ACKR3: variants seen among roughly 807,000 people sequenced by gnomAD.
ACKR3 encodes atypical chemokine receptor 3, also known as C-X-C chemokine receptor type 7.
Under a neutral mutation model 22.4 loss-of-function variants are expected in ACKR3, and 6 were observed. The observed-to-expected ratio is 0.27, with a 90% CI of 0.15 to 0.53. ACKR3 has a LOEUF of 0.53. Ranked by LOEUF, ACKR3 falls within the 20% of genes least tolerant of loss-of-function variation. ACKR3 has a pLI of 0.96. For synonymous variants in ACKR3, 209 were observed against 205.2 expected (o/e 1.02, Z -0.16); for missense variants, 396 against 475.2 (o/e 0.83, Z 1.55).
upstream of ACKR3, among the ~76,000 whole-genome samples, chr2:236,566,718 C>CCTTCCCTTCCTTCCTTCCTTCCTT (rs1553634519): frequency 1.7e-5 from 2 of 114,490 alleles, no homozygotes; most frequent in African/African-American, 8.2e-5. Context: ...TCCTTTCCTT[C>CCTTCCCTTCCTTCCTTCCTTCCTT]CCTTCCTTCC....
rs1691434903 is a variant in ACKR3, at chr2:236,577,512, G to C, written c.-26-2928G>C. Among the ~76,000 whole-genome samples, 1 of 152,106 alleles carries C rather than the reference G, an allele frequency of 6.6e-6. No homozygotes were observed. The highest frequency in any genetic ancestry group is 6.5e-5 in the Admixed American group (1 of 15,270). ...CTCAAAGCGGGTGAGTGTCTATTTT[G>C]TGCTAAGAGTGGAGGAACTGGAAGG... On this transcript the variant is annotated intron_variant, in intron 1 of 1. Transcript: ENST00000272928. This position sits in a 1 kb window ranked among gnomAD's most constrained non-coding sequence, Gnocchi z 5.6.
intron 1 of ACKR3, among the ~76,000 whole-genome samples, chr2:236,570,752 A>C (rs1337375928): frequency 2.0e-5 from 3 of 152,214 alleles, no homozygotes; most frequent in African/African-American, 7.2e-5. Context: ...CTTTGGAGTG[A>C]GGTCAGGGAT....
At chr2:236,568,394 C>T (rs1691233625), upstream of ACKR3, among the ~76,000 whole-genome samples, 1 of 152,166 alleles carries the variant, frequency 6.6e-6, no homozygotes, top group Non-Finnish European at 1.5e-5. Context: ...TGTGGAGAGT[C>T]GAGGTCTCGC....
At chr2:236,556,114 T>C in the ACKR3 span, among the ~76,000 whole-genome samples, 1 of 151,926 alleles carries the variant, frequency 6.6e-6, no homozygotes, top group Admixed American at 6.6e-5. Context: ...AGAGTCCATG[T>C]GGGGTGAGGG....
intron 1 of ACKR3, among the ~76,000 whole-genome samples, chr2:236,571,633 A>C (rs1027078769): frequency 5.3e-5 from 8 of 151,414 alleles, no homozygotes; most frequent in African/African-American, 9.7e-5. Context: ...AAAAAAAAAA[A>C]AAAAAAAAAC....
rs146961395 is a variant in ACKR3, at chr2:236,581,095, C to T, written c.630C>T (p.Ile210=). 4.0e-4 allele frequency: 641 copies of T among 1,614,224 alleles called. 5 individuals carry two copies. In the African/African-American group the frequency reaches 7.1e-3, roughly 18 times the overall value. ...YPEHSIKEWL[I]GMELVSVVLG... ...AGCACAGCATCAAGGAGTGGCTGAT[C>T]GGCATGGAGCTGGTCTCCGTTGTCT... Residue 210 remains isoleucine (I), a synonymous_variant, in exon 2 of 2, where the codon ATC becomes ATT. Transcript: ENST00000272928. The surrounding 1 kb of genome is among the most constrained non-coding windows in gnomAD (Gnocchi z 4.4).
upstream of ACKR3, among the ~76,000 whole-genome samples, chr2:236,567,091 G>A (rs141135458): frequency 3.4e-4 from 51 of 151,982 alleles, 1 homozygote; most frequent in East Asian, 9.7e-3. Context: ...TACAACCTCC[G>A]CCTCCCGGGT....
At chr2:236,550,129 G>T in the ACKR3 span, among the ~76,000 whole-genome samples, 3,008 of 152,312 alleles carry the variant, frequency 0.02, 35 homozygotes, top group Non-Finnish European at 0.029. The surrounding 1 kb of genome is among the most constrained non-coding windows in gnomAD (Gnocchi z 4.6). Context: ...TCCTGTGGGT[G>T]CATAGTCTGT....
At chr2:236,573,893 C>T (rs1234768640) in intron 1 of ACKR3, among the ~76,000 whole-genome samples, 1 of 152,232 alleles carries the variant, frequency 6.6e-6, no homozygotes, top group Non-Finnish European at 1.5e-5. Context: ...CCTCCATTTG[C>T]TCTTCGTGGA....
intron 1 of ACKR3, among the ~76,000 whole-genome samples, chr2:236,573,538 T>C (rs1265093109): frequency 6.6e-6 from 1 of 152,196 alleles, no homozygotes; most frequent in Non-Finnish European, 1.5e-5. Flanking sequence ...GAAATTCCCT[T>C]GTAGGACACA....
At chr2:236,561,512 CTT>C in the ACKR3 span, among the ~76,000 whole-genome samples, 1 of 145,722 alleles carries the variant, frequency 6.9e-6, no homozygotes, top group African/African-American at 2.5e-5. Context: ...ACACAATTGA[CTT>C]TTTTTTTTTT....
At chr2:236,570,934 C>T (rs1381738291) in intron 1 of ACKR3, among the ~76,000 whole-genome samples, 1 of 152,178 alleles carries the variant, frequency 6.6e-6, no homozygotes, top group East Asian at 1.9e-4. Context: ...TGGTTTACAG[C>T]CCTTTGAATG....
the ACKR3 span, among the ~76,000 whole-genome samples, chr2:236,543,784 A>G: frequency 1.3e-5 from 2 of 151,936 alleles, no homozygotes; most frequent in Non-Finnish European, 2.9e-5. Flanking sequence ...CCTAAATTTC[A>G]TTCAAGGGCA....
intron 1 of ACKR3, among the ~76,000 whole-genome samples, chr2:236,575,102 T>A (rs1400258055): frequency 6.6e-6 from 1 of 152,004 alleles, no homozygotes; most frequent in Non-Finnish European, 1.5e-5. Flanking sequence ...TTGTTCTCCC[T>A]TGGGTCTCTG....
intron 1 of ACKR3, among the ~76,000 whole-genome samples, chr2:236,573,950 C>T (rs1337787804): frequency 1.3e-5 from 2 of 152,210 alleles, no homozygotes; most frequent in Non-Finnish European, 2.9e-5. Context: ...ATGGCTGTGC[C>T]TTCCTGGAAC....
upstream of ACKR3, among the ~76,000 whole-genome samples, chr2:236,568,492 G>A (rs947670642): frequency 5.9e-5 from 9 of 152,240 alleles, no homozygotes; most frequent in African/African-American, 1.9e-4. Context: ...TGGTGCCGAT[G>A]TGACACGAAG....
upstream of ACKR3, among the ~76,000 whole-genome samples, chr2:236,567,245 C>T (rs1257509032): frequency 6.6e-6 from 1 of 152,162 alleles, no homozygotes; most frequent in African/African-American, 2.4e-5. Flanking sequence ...GCGATCCGCC[C>T]GCCTCGGCCT....
rs562702637 is a variant in ACKR3, at chr2:236,577,494, C to T, written c.-26-2946C>T. On this transcript the variant is annotated intron_variant, in intron 1 of 1. Coordinates refer to ENST00000272928, the MANE Select transcript of ACKR3 (RefSeq NM_020311.3). The surrounding 1 kb of genome is among the most constrained non-coding windows in gnomAD (Gnocchi z 5.6). ...ACTGAAGGCTGCTGGTAGCTCAAAG[C>T]GGGTGAGTGTCTATTTTGTGCTAAG... Among the ~76,000 whole-genome samples, 12 of 152,188 alleles carry T rather than the reference C, an allele frequency of 7.9e-5. No homozygotes were observed. In the East Asian group the frequency reaches 1.2e-3, roughly 15 times the overall value.
Position 236,581,531 on chromosome 2 carries a change from G to A in ACKR3, c.1066G>A (p.Ala356Thr), listed in dbSNP as rs775650674. 1.2e-5 allele frequency: 19 copies of A among 1,613,866 alleles called. No individual in the cohort carries two copies. Among genetic ancestry groups the A allele is most frequent in the Non-Finnish European group, 2.5e-6 (3 of 1,179,886 alleles). The change falls in exon 2 of 2, where the codon GCC (alanine) becomes ACC (threonine). Residue 356 changes from alanine to threonine, a missense_variant. Physicochemically the swap from Ala to Thr is moderately conservative, Grantham distance 58. Coordinates refer to ENST00000272928, the MANE Select transcript of ACKR3 (RefSeq NM_020311.3). The surrounding 1 kb of genome is among the most constrained non-coding windows in gnomAD (Gnocchi z 4.4). ...CAGAGTCTCAGAGACGGAGTACTCT[G>A]CCTTGGAGCAGAGCACCAAATGATC... ...ASRVSETEYS[A>T]LEQSTK
Sources: allele counts gnomAD v4.1 joint callset (sites outside exome capture counted in the v4.1 genomes callset), GRCh38; gene constraint gnomAD v4.1.1; non-coding constraint Gnocchi (gnomAD v3.1); transcripts MANE v1.5; gene names NCBI Gene and HGNC (gene_info 2026-07-23, HGNC 2026-07-21).